TUB: variants seen among roughly 807,000 people sequenced by gnomAD.
TUB encodes the protein TUB bipartite transcription factor.
TUB carries 33 observed loss-of-function variants against 59.7 expected under a neutral mutation model. That is an observed-to-expected ratio of 0.55 (90% CI 0.42 to 0.74). The LOEUF is 0.74. TUB is among the 30% of genes least tolerant of loss of function. TUB has a pLI of 0.00. For missense variants in TUB, 659 were observed against 672.0 expected (o/e 0.98, Z 0.21); for synonymous variants, 293 against 256.4 (o/e 1.14, Z -1.36).
At chr11:8,061,764 C>G (rs1282640015) in intron 2 of TUB, among the ~76,000 whole-genome samples, 1 of 152,106 alleles carries the variant, frequency 6.6e-6, no homozygotes, top group Non-Finnish European at 1.5e-5. Flanking sequence ...ACACTGGACC[C>G]CAGGATCCCA....
intron 2 of TUB, among the ~76,000 whole-genome samples, chr11:8,070,828 G>A (rs781351117): frequency 6.6e-6 from 1 of 152,176 alleles, no homozygotes; most frequent in Non-Finnish European, 1.5e-5. Context: ...TTGCTTTGTA[G>A]GAACTTTTTA....
At chr11:8,094,243 G>A in intron 4 of TUB, 54 bp downstream of exon 4, 5 of 1,540,028 alleles carry the variant, frequency 3.2e-6, no homozygotes, top group Non-Finnish European at 4.4e-6. Flanking sequence ...CCACTGTAGG[G>A]CTGGGGAAGG....
intron 2 of TUB, among the ~76,000 whole-genome samples, chr11:8,064,322 C>G (rs374757038): frequency 6.6e-6 from 1 of 152,190 alleles, no homozygotes; most frequent in Non-Finnish European, 1.5e-5. Context: ...GCCTCTTACC[C>G]CAGATGTGAC....
At chr11:8,053,273 A>T (rs926083789) in intron 2 of TUB, among the ~76,000 whole-genome samples, 11 of 152,276 alleles carry the variant, frequency 7.2e-5, no homozygotes, top group African/African-American at 2.6e-4. Flanking sequence ...CATTCAACTT[A>T]CTTCTAGGTT....
chr11:8,059,705 C>T (rs1564906089), intron 2 of TUB, among the ~76,000 whole-genome samples: 1 of 152,034 alleles, frequency 6.6e-6, no homozygotes, highest in East Asian at 1.9e-4. Flanking sequence ...GGAGAGGGGT[C>T]AGGGGGCAGG....
At chr11:8,039,403 G>T in intron 1 of TUB, 1 of 459,800 alleles carries the variant, frequency 2.2e-6, no homozygotes, top group Non-Finnish European at 3.8e-6. Flanking sequence ...CATTCCCATG[G>T]CTCAGGTCAT....
intron 2 of TUB, among the ~76,000 whole-genome samples, chr11:8,050,953 G>A (rs896727847): frequency 2.6e-5 from 4 of 152,274 alleles, no homozygotes; most frequent in African/African-American, 9.6e-5. Flanking sequence ...TAAAACAGAG[G>A]AAAAGCTTAA....
At chr11:8,042,016 T>C (rs1942759533) in intron 2 of TUB, among the ~76,000 whole-genome samples, 1 of 152,222 alleles carries the variant, frequency 6.6e-6, no homozygotes, top group African/African-American at 2.4e-5. Flanking sequence ...ACAAGTTGCC[T>C]GTTTATAGTG....
intron 1 of TUB, among the ~76,000 whole-genome samples, chr11:8,083,463 T>A (rs1943609010): frequency 6.6e-6 from 1 of 152,148 alleles, no homozygotes; most frequent in Non-Finnish European, 1.5e-5. Flanking sequence ...CGGAATGGCT[T>A]AAGCCTGTTC....
At position 8,101,743 on chromosome 11, in the gene TUB, G is replaced by C; in HGVS notation, c.*124G>C. 6.9e-7 allele frequency: 1 copy of C among 1,448,912 alleles called. No homozygotes were observed. Among genetic ancestry groups the C allele is most frequent in the Non-Finnish European group, 9.1e-7 (1 of 1,099,568 alleles). 89.8% of individuals were successfully genotyped at this position (1,448,912 alleles called of 1,614,324 possible). A position where few individuals can be genotyped will look rare whatever the true frequency, so the allele number is the denominator to read the frequency against. ...GCCAGATGAAGCTTTGGCCCTCAGT[G>C]GGCTCCCTGGCCCAGCCAGCCAGGA... On this transcript the variant is annotated 3_prime_UTR_variant, in exon 12 of 12. Coordinates refer to ENST00000299506, the MANE Select transcript of TUB (RefSeq NM_177972.3).
intron 6 of TUB, 77 bp downstream of exon 6, chr11:8,096,883 A>T (rs1023599636): frequency 6.6e-7 from 1 of 1,514,138 alleles, no homozygotes; most frequent in Non-Finnish European, 9.2e-7. Flanking sequence ...ATGTGAAGAG[A>T]TGGACTCGTA....
Position 8,101,757 on chromosome 11 carries a change from A to C in TUB, c.*138A>C. ...TGGCCCTCAGTGGGCTCCCTGGCCC[A>C]GCCAGCCAGGAACTGGCTCCTTTGC... On this transcript the variant is annotated 3_prime_UTR_variant, in exon 12 of 12. Coordinates refer to ENST00000299506, the MANE Select transcript of TUB (RefSeq NM_177972.3). 7.0e-7 allele frequency: 1 copy of C among 1,423,296 alleles called. No homozygotes were observed. Among genetic ancestry groups the C allele is most frequent in the Non-Finnish European group, 9.2e-7 (1 of 1,082,880 alleles). The allele number at this position is 1,423,296 out of a possible 1,614,324, so 88.2% of individuals were successfully genotyped here.
At chr11:8,064,140 C>T (rs1037536231) in intron 2 of TUB, among the ~76,000 whole-genome samples, 2 of 152,100 alleles carry the variant, frequency 1.3e-5, no homozygotes, top group Non-Finnish European at 2.9e-5. Flanking sequence ...CCAGAATGTA[C>T]GTCAGGGCCA....
intron 2 of TUB, among the ~76,000 whole-genome samples, chr11:8,054,526 A>T (rs139753043): frequency 6.6e-6 from 1 of 152,094 alleles, no homozygotes; most frequent in Admixed American, 6.5e-5. Flanking sequence ...CATTTCCATC[A>T]ATTGGAATGG....
chr11:8,076,449 C>T (rs897869211), upstream of TUB: 1 of 152,166 alleles, frequency 6.6e-6, no homozygotes, highest in Admixed American at 6.5e-5. Flanking sequence ...AACCTCTCTC[C>T]CATTTTGTAT....
Position 8,096,809 on chromosome 11 carries a change from G to A in TUB, c.687+3G>A. ...CTACTAGCAGGAAGTCCGTCAGGGT[G>A]AGTGAGTGAGTCTGCATCCACAGCA... is the stretch of plus-strand genomic sequence containing the variant. On this transcript the variant is annotated splice_donor_region_variant and intron_variant, in intron 6 of 11. Coordinates refer to ENST00000299506, the MANE Select transcript of TUB (RefSeq NM_177972.3). The A allele has an allele frequency of 6.2e-7, 1 of 1,613,968 alleles. No homozygotes were observed. Among genetic ancestry groups the A allele is most frequent in the East Asian group, 2.2e-5 (1 of 44,876 alleles).
chr11:8,061,207 G>A (rs1943118758), intron 2 of TUB, among the ~76,000 whole-genome samples: 1 of 152,234 alleles, frequency 6.6e-6, no homozygotes, highest in African/African-American at 2.4e-5. Flanking sequence ...CCTTGGGCCT[G>A]GCATCAGCGA....
rs754335328 is a variant in TUB at position 8,090,168 on chromosome 11, T to C, written c.190T>C (p.Ser64Pro). 1 of 1,613,636 alleles carries C rather than the reference T, an allele frequency of 6.2e-7. No homozygotes were observed. Among genetic ancestry groups the C allele is most frequent in the South Asian group, 1.1e-5 (1 of 91,080 alleles). ...GCCCCGGAGCCGGCGGGCCCGGCAG[T>C]CAGAGGAACAAGCCCCCCTGGTGGA... ...GRPRSRRARQ[S>P]EEQAPLVESY... is the part of the protein sequence containing the mutation. Residue 64 changes from serine (S) to proline (P), a missense_variant, in exon 3 of 12, where the codon TCA (serine) becomes CCA (proline). Ser to Pro is a moderately conservative substitution (Grantham distance 74, BLOSUM62 -1). This residue lies in a region of TUB where 321 missense variants were observed against 304.3 expected (regional missense o/e 1.05). Coordinates refer to ENST00000299506, the MANE Select transcript of TUB (RefSeq NM_177972.3).
At chr11:8,024,115 G>A (rs1428959499) in intron 1 of TUB, among the ~76,000 whole-genome samples, 1 of 152,168 alleles carries the variant, frequency 6.6e-6, no homozygotes, top group African/African-American at 2.4e-5. Flanking sequence ...CTGCCTTCAT[G>A]GCCTACCAGC....
Sources: allele counts gnomAD v4.1 joint callset (sites outside exome capture counted in the v4.1 genomes callset), GRCh38; gene constraint gnomAD v4.1.1; regional missense constraint gnomAD v4.1.1; transcripts MANE v1.5; gene names NCBI Gene and HGNC (gene_info 2026-07-23, HGNC 2026-07-21).